Variants in C4orf50 observed in about 807,000 individuals in gnomAD.
C4orf50 encodes the protein chromosome 4 open reading frame 50, also known as uncharacterized protein C4orf50.
C4orf50 carries 80 observed loss-of-function variants against 77.2 expected under a neutral mutation model. That is an observed-to-expected ratio of 1.04 (90% confidence interval 0.87 to 1.25). The LOEUF is 1.25. Ranked by LOEUF, C4orf50 falls within the 50% of genes most tolerant of loss-of-function variation. C4orf50 has a pLI of 0.00. For synonymous variants in C4orf50, 532 were observed against 465.3 expected (o/e 1.14, Z -1.84); for missense variants, 1,257 against 1,152.9 (o/e 1.09, Z -1.31).
At position 5,975,139 on chromosome 4, in the gene C4orf50, C is replaced by CAAAAAAAAAAA. The variant is rs763836859; in HGVS notation, c.3921+749_3921+759dup. On this transcript the variant is annotated intron_variant, in intron 30 of 33. Transcript: ENST00000531445. ...TGGGCGACAGAGTGACACTCCATCTCAAAAAAAAAAAAAAAAAAAAAAAAA... is the reference window on the plus strand; with the variant it reads ...TGGGCGACAGAGTGACACTCCATCTCAAAAAAAAAAAAAAAAAAAAAAAAAAAAAAAAAAAA... Among the ~76,000 whole-genome samples, 15 of 82,860 alleles carry CAAAAAAAAAAA rather than the reference C, an allele frequency of 1.8e-4. 1 individual carries two copies. Among genetic ancestry groups the CAAAAAAAAAAA allele is most frequent in the African/African-American group, 2.9e-4 (7 of 24,500 alleles). 54.4% of individuals were successfully genotyped at this position (82,860 alleles called of 152,430 possible).
At chr4:5,991,155 C>A (rs1379971087) in intron 27 of C4orf50, among the ~76,000 whole-genome samples, 1 of 152,232 alleles carries the variant, frequency 6.6e-6, no homozygotes, top group African/African-American at 2.4e-5. Flanking sequence ...TCCCACAGCA[C>A]CCTCCATGCC....
chr4:5,941,073 A>T (rs1310591546), intron 7 of C4orf50, among the ~76,000 whole-genome samples: 1 of 152,216 alleles, frequency 6.6e-6, no homozygotes, highest in East Asian at 1.9e-4. Flanking sequence ...AATGGTTGTG[A>T]CTTTAAGCCA....
intron 7 of C4orf50, among the ~76,000 whole-genome samples, chr4:5,910,882 G>GCCAA (rs1716773084): frequency 1.3e-5 from 2 of 150,300 alleles, no homozygotes; most frequent in Non-Finnish European, 3.0e-5. Flanking sequence ...TTTCATCAGA[G>GCCAA]CCAATGGGTT....
chr4:5,986,919 A>G (rs185901854), intron 28 of C4orf50, among the ~76,000 whole-genome samples: 41 of 152,292 alleles, frequency 2.7e-4, no homozygotes, highest in Non-Finnish European at 5.7e-4. Context: ...GGCAGTACAT[A>G]TTCCTTACCT....
At chr4:5,986,351 G>A (rs1052521119) in intron 28 of C4orf50, among the ~76,000 whole-genome samples, 3 of 152,054 alleles carry the variant, frequency 2.0e-5, no homozygotes, top group Non-Finnish European at 2.9e-5. Flanking sequence ...ATGTATAACT[G>A]AAAAACTCCA....
chr4:5,921,809 A>G (rs1485603698), intron 7 of C4orf50, among the ~76,000 whole-genome samples: 2 of 152,198 alleles, frequency 1.3e-5, no homozygotes, highest in Non-Finnish European at 2.9e-5. Flanking sequence ...GCCTTTCTAA[A>G]GAAAGAGCAG....
At chr4:5,965,792 G>A (rs1481651538) in intron 32 of C4orf50, among the ~76,000 whole-genome samples, 1 of 152,164 alleles carries the variant, frequency 6.6e-6, no homozygotes, top group Non-Finnish European at 1.5e-5. Context: ...ATGTGCCAGG[G>A]TCCAGACACT....
chr4:5,955,089 C>G (rs1718893851), downstream of C4orf50, among the ~76,000 whole-genome samples: 2 of 152,106 alleles, frequency 1.3e-5, no homozygotes, highest in South Asian at 4.2e-4. This position sits in a 1 kb window ranked among gnomAD's most constrained non-coding sequence, Gnocchi z 5.1. Flanking sequence ...AGCGCCCGCC[C>G]CTACCTCTCC....
rs549495917 is a variant in C4orf50 at position 5,970,964 on chromosome 4, C to T, written c.4104+2695G>A. Among the ~76,000 whole-genome samples, 7 of 152,248 alleles carry T rather than the reference C, an allele frequency of 4.6e-5. No homozygotes were observed. In the South Asian group the frequency reaches 1.2e-3, roughly 27 times the overall value. On this transcript the variant is annotated intron_variant, in intron 31 of 33. Coordinates refer to ENST00000531445, the Ensembl canonical transcript of C4orf50. The surrounding 1 kb of genome is among the most constrained non-coding windows in gnomAD (Gnocchi z 4.3). ...GGCTGGATAAATGAAGGCAGCCTGT[C>T]CAGTTGGGACCCTAGCCAGCCCACG...
rs547931109 is a variant in C4orf50 at position 6,017,950 on chromosome 4, G to T, written c.287+195C>A. Among the ~76,000 whole-genome samples, 119 of 152,294 alleles carry T rather than the reference G, an allele frequency of 7.8e-4. No homozygotes were observed. Among genetic ancestry groups the T allele is most frequent in the African/African-American group, 2.7e-3 (111 of 41,568 alleles). ...GCCTTTGAGCAGAGGAGCCCGGGCAGCCTCATCTGCAGGTACAGAGCAGAA... is the reference window on the plus strand; with the variant it reads ...GCCTTTGAGCAGAGGAGCCCGGGCATCCTCATCTGCAGGTACAGAGCAGAA... On this transcript the variant is annotated intron_variant, in intron 23 of 33. Coordinates refer to ENST00000531445, the Ensembl canonical transcript of C4orf50. This position sits in a 1 kb window ranked among gnomAD's most constrained non-coding sequence, Gnocchi z 4.7.
chr4:5,965,974 A>G (rs1428428679), intron 32 of C4orf50, among the ~76,000 whole-genome samples: 3 of 152,238 alleles, frequency 2.0e-5, no homozygotes, highest in Non-Finnish European at 4.4e-5. Flanking sequence ...CAGACGTTCT[A>G]CACGTTTTAT....
At chr4:5,988,673 C>G (rs771247388) in exon 28 of C4orf50, 3 of 1,536,102 alleles carry the variant, frequency 2.0e-6, no homozygotes, top group South Asian at 2.4e-5. Context: ...TGCATCTTGG[C>G]TTTTCCCTGG....
rs927668974 is a variant in C4orf50, at chr4:5,966,699, G to T, written c.4153+715C>A. On this transcript the variant is annotated intron_variant, in intron 32 of 33. Transcript: ENST00000531445. ...GGAGTCTTGCTTTTTCACTAGGCTG[G>T]AGTACAGTGGTGTTATCTCGGTTCA... 6.4e-4 allele frequency among the ~76,000 whole-genome samples: 96 copies of T among 150,732 alleles called. 8 individuals are homozygous for T.
intron 25 of C4orf50, among the ~76,000 whole-genome samples, chr4:6,005,138 T>C (rs1722197620): frequency 6.6e-6 from 1 of 152,194 alleles, no homozygotes; most frequent in Non-Finnish European, 1.5e-5. Context: ...ACTCTGAGTA[T>C]GAGCATCTTG....
intron 7 of C4orf50, among the ~76,000 whole-genome samples, chr4:5,934,690 G>T (rs1717930817): frequency 6.6e-6 from 1 of 152,204 alleles, no homozygotes; most frequent in Non-Finnish European, 1.5e-5. Context: ...TGTGTGTCTG[G>T]CTGTCCTGGC....
At chr4:5,913,124 G>A (rs1183333585) in intron 7 of C4orf50, among the ~76,000 whole-genome samples, 3 of 152,124 alleles carry the variant, frequency 2.0e-5, no homozygotes, top group Non-Finnish European at 2.9e-5. Flanking sequence ...CTTTGGAACC[G>A]ACTACCTGTG....
intron 7 of C4orf50, among the ~76,000 whole-genome samples, chr4:5,947,928 C>T (rs911307142): frequency 3.9e-5 from 6 of 152,248 alleles, no homozygotes; most frequent in African/African-American, 1.4e-4. Flanking sequence ...AGATCAGACG[C>T]ATCCAGATGC....
chr4:5,977,362 C>A (rs765632892), intron 29 of C4orf50, among the ~76,000 whole-genome samples: 1 of 152,140 alleles, frequency 6.6e-6, no homozygotes, highest in Non-Finnish European at 1.5e-5. Flanking sequence ...CTCTTCGGAC[C>A]AACATACCTA....
At chr4:5,951,875 T>C (rs1419438735) in intron 7 of C4orf50, among the ~76,000 whole-genome samples, 2 of 152,150 alleles carry the variant, frequency 1.3e-5, no homozygotes, top group African/African-American at 4.8e-5. Flanking sequence ...TGGTGTAATG[T>C]GCAGGGGGAG....
Sources: gnomAD v4.1 joint callset for allele counts (sites outside exome capture counted in the v4.1 genomes callset) on GRCh38, gnomAD v4.1.1 for gene constraint, Gnocchi (gnomAD v3.1) non-coding constraint, MANE v1.5 for transcripts, NCBI Gene and HGNC (gene_info 2026-07-23, HGNC 2026-07-21) for gene names.